The following NTNG1 variants were observed in gnomAD, a reference collection of about 807,000 sequenced individuals.
The protein encoded by NTNG1 is netrin G1.
Under a neutral mutation model 54.0 loss-of-function variants are expected in NTNG1, and 16 were observed. That is an observed-to-expected ratio of 0.30 (90% CI 0.20 to 0.45). The LOEUF (loss-of-function observed/expected upper bound fraction) is 0.45. Ranked by LOEUF, NTNG1 falls within the 20% of genes least tolerant of loss-of-function variation. NTNG1 has a pLI of 1.00. For missense variants in NTNG1, 530 were observed against 678.7 expected, an observed-to-expected ratio of 0.78 and a Z score of 2.43; for synonymous variants, 255 against 263.1, an observed-to-expected ratio of 0.97 and a Z score of 0.30.
At chr1:107,443,685 G>A (rs1160359376) in intron 7 of NTNG1, among the ~76,000 whole-genome samples, 2 of 152,132 alleles carry the variant, frequency 1.3e-5, no homozygotes, top group African/African-American at 4.8e-5. Flanking sequence ...CTGTGATGCT[G>A]CAGAGCATCT....
intron 7 of NTNG1, among the ~76,000 whole-genome samples, chr1:107,472,605 G>A (rs1269243638): frequency 6.6e-6 from 1 of 152,142 alleles, no homozygotes; most frequent in Non-Finnish European, 1.5e-5. Context: ...GATGACTAGT[G>A]AGACCCAGAT....
rs752688820 is a variant in NTNG1 at position 107,324,849 on chromosome 1, G to A, written c.814G>A (p.Gly272Arg). The A allele has an allele frequency of 6.2e-7, 1 of 1,613,538 alleles. No homozygotes were observed. Among genetic ancestry groups the A allele is most frequent in the Non-Finnish European group, 8.5e-7 (1 of 1,179,690 alleles). Reference protein sequence around the residue: ...LRIRLLRPAVGEIFVDELHLA... With the variant: ...LRIRLLRPAVREIFVDELHLA... ...GATAAGGCTGTTAAGACCAGCCGTTGGGGAAATATTTGTAGATGAGCTACA... is the reference window on the plus strand; with the variant it reads ...GATAAGGCTGTTAAGACCAGCCGTTAGGGAAATATTTGTAGATGAGCTACA... The change falls in exon 3 of 8, where the codon GGG (glycine) becomes AGG (arginine). Residue 272 changes from glycine (G) to arginine (R), a missense_variant. Around this residue, in one of 2 missense-constraint regions of NTNG1, gnomAD observed 318 missense variants for 465.1 expected, o/e 0.68. Coordinates refer to ENST00000370068, the MANE Select transcript of NTNG1 (RefSeq NM_001113226.3).
intron 3 of NTNG1, among the ~76,000 whole-genome samples, chr1:107,385,274 G>A (rs764289794): frequency 6.6e-6 from 1 of 152,092 alleles, no homozygotes; most frequent in Non-Finnish European, 1.5e-5. Context: ...GAAGTTGTCT[G>A]AGGGCTGGGA....
chr1:107,193,802 T>A (rs1658128323), intron 2 of NTNG1, among the ~76,000 whole-genome samples: 2 of 151,900 alleles, frequency 1.3e-5, no homozygotes, highest in Admixed American at 1.3e-4. Context: ...CACCAGACCT[T>A]CCTTTCTCCT....
chr1:107,356,715 T>A (rs1669956444), intron 3 of NTNG1, among the ~76,000 whole-genome samples: 1 of 151,488 alleles, frequency 6.6e-6, no homozygotes, highest in Non-Finnish European at 1.5e-5. Flanking sequence ...GTATAGGAAT[T>A]AAAGACCAAT....
chr1:107,315,330 T>C (rs72699369), intron 2 of NTNG1, among the ~76,000 whole-genome samples: 12,333 of 152,232 alleles, frequency 0.081, 553 homozygotes, highest in Middle Eastern at 0.15. Context: ...GTTGCTCTGC[T>C]TCTGCTGCCT....
chr1:107,218,751 T>A (rs969656558), intron 2 of NTNG1, among the ~76,000 whole-genome samples: 1 of 152,194 alleles, frequency 6.6e-6, no homozygotes, highest in Non-Finnish European at 1.5e-5. Flanking sequence ...GGCTGATAGT[T>A]GTTTTGTTTA....
At chr1:107,229,879 C>T (rs534289129) in intron 2 of NTNG1, among the ~76,000 whole-genome samples, 1 of 152,150 alleles carries the variant, frequency 6.6e-6, no homozygotes, top group Non-Finnish European at 1.5e-5. Flanking sequence ...TGGTTCCTCT[C>T]TTGGAGGAAG....
chr1:107,286,660 T>C (rs1665222150), intron 2 of NTNG1, among the ~76,000 whole-genome samples: 1 of 152,198 alleles, frequency 6.6e-6, no homozygotes, highest in Non-Finnish European at 1.5e-5. Flanking sequence ...AATTCAGTTC[T>C]CTTTTGCAAT....
intron 3 of NTNG1, among the ~76,000 whole-genome samples, chr1:107,337,224 G>T (rs904451446): frequency 3.3e-5 from 5 of 151,992 alleles, no homozygotes; most frequent in African/African-American, 1.2e-4. Flanking sequence ...TCCATCGATG[G>T]ATCAGCGGAA....
chr1:107,182,719 T>C (rs369380430), intron 2 of NTNG1, among the ~76,000 whole-genome samples: 32 of 152,180 alleles, frequency 2.1e-4, no homozygotes, highest in African/African-American at 7.7e-4. Context: ...CAATCACACA[T>C]TCAATTGGGA....
intron 3 of NTNG1, among the ~76,000 whole-genome samples, chr1:107,379,824 A>G (rs532738302): frequency 6.6e-6 from 1 of 152,354 alleles, no homozygotes; most frequent in East Asian, 1.9e-4. Flanking sequence ...AGCAGGTGGT[A>G]AAGCAAGTGG....
At chr1:107,157,805 ATACT>A (rs761340507) in intron 2 of NTNG1, among the ~76,000 whole-genome samples, 15 of 152,132 alleles carry the variant, frequency 9.9e-5, no homozygotes, top group Non-Finnish European at 1.8e-4. Context: ...CCAAAAATTA[ATACT>A]TATTTATATA....
At chr1:107,212,210 A>G (rs1285997367) in intron 2 of NTNG1, among the ~76,000 whole-genome samples, 1 of 152,150 alleles carries the variant, frequency 6.6e-6, no homozygotes, top group African/African-American at 2.4e-5. Flanking sequence ...CTTTTGTTAA[A>G]AATCTTTAAA....
intron 2 of NTNG1, among the ~76,000 whole-genome samples, chr1:107,232,254 T>A (rs1373518345): frequency 2.6e-5 from 4 of 152,216 alleles, no homozygotes; most frequent in Non-Finnish European, 1.5e-5. Flanking sequence ...GGACACTTAA[T>A]GCACAGTGGA....
At chr1:107,392,940 C>G (rs1013006098) in intron 3 of NTNG1, among the ~76,000 whole-genome samples, 1 of 151,978 alleles carries the variant, frequency 6.6e-6, no homozygotes, top group African/African-American at 2.4e-5. Context: ...TTGAGTTGAG[C>G]CTTGAATGGT....
intron 3 of NTNG1, among the ~76,000 whole-genome samples, chr1:107,342,118 T>C (rs1396013233): frequency 6.6e-6 from 1 of 152,134 alleles, no homozygotes; most frequent in Non-Finnish European, 1.5e-5. Flanking sequence ...ATACATTTTA[T>C]ATTGAGTATA....
chr1:107,158,731 T>C (rs1375894735), intron 2 of NTNG1, among the ~76,000 whole-genome samples: 2 of 152,162 alleles, frequency 1.3e-5, no homozygotes, highest in Non-Finnish European at 2.9e-5. Flanking sequence ...TTGTCATGGT[T>C]CCTCTATAGT....
At chr1:107,352,141 A>C (rs888094378) in intron 3 of NTNG1, among the ~76,000 whole-genome samples, 11 of 152,122 alleles carry the variant, frequency 7.2e-5, no homozygotes, top group Non-Finnish European at 1.3e-4. Flanking sequence ...TTTCCTGTTG[A>C]TGGGAGCAAG....
Sources: gnomAD v4.1 joint callset for allele counts (sites outside exome capture counted in the v4.1 genomes callset) on GRCh38, gnomAD v4.1.1 for gene constraint, gnomAD v4.1.1 regional missense constraint, MANE v1.5 for transcripts, NCBI Gene and HGNC (gene_info 2026-07-23, HGNC 2026-07-21) for gene names.